Variants in TSPAN6 observed in about 807,000 individuals in gnomAD.
The protein encoded by TSPAN6 is tetraspanin 6, also known as tetraspanin-6.
Under a neutral mutation model 18.0 loss-of-function variants are expected in TSPAN6, and 13 were observed. That is an observed-to-expected ratio of 0.72 (90% confidence interval 0.47 to 1.15). The LOEUF is 1.15. Ranked by LOEUF, TSPAN6 falls within the 50% of genes most tolerant of loss-of-function variation. TSPAN6 has a pLI of 0.00. For synonymous variants in TSPAN6, 82 were observed against 67.0 expected (o/e 1.22, Z -1.09); for missense variants, 186 against 183.9 (o/e 1.01, Z -0.07).
rs761681632 is a variant in TSPAN6 at position 100,635,627 on chromosome X, G to A, written c.207C>T (p.Thr69=). ...CAAAGGTGCCCAAAAGAATAATGAC[G>A]GTACCAGTAGCAATGAGCACGAAGG... ...NVPFVLIATG[T]VIILLGTFGC... is the part of the protein sequence containing the mutation. The change falls in exon 2 of 8, where the codon ACC becomes ACT. Residue 69 remains threonine (T), a synonymous_variant. Transcript: ENST00000373020. The A allele has an allele frequency of 4.2e-6, 5 of 1,201,582 alleles. No homozygotes were observed. The highest frequency in any genetic ancestry group is 5.6e-6 in the Non-Finnish European group (5 of 889,693).
upstream of TSPAN6, chrX:100,636,818 G>GA: frequency 5.2e-6 from 4 of 766,736 alleles, no homozygotes; most frequent in Non-Finnish European, 7.2e-6. Flanking sequence ...AGAAGGGCCG[G>GA]AAACACTGTA....
At chrX:100,632,441 T>TA (rs1569352379) in intron 6 of TSPAN6, 44 bp downstream of exon 6, 3 of 1,004,065 alleles carry the variant, frequency 3.0e-6, no homozygotes, top group Non-Finnish European at 4.2e-6. Flanking sequence ...AGCTTACACC[T>TA]ACAAGAGGGA....
chrX:100,635,680 G>A lies in TSPAN6; in HGVS notation c.154C>T (p.Leu52Phe), dbSNP rs896214641. 4 of 1,193,863 alleles carry A rather than the reference G, an allele frequency of 3.4e-6. No homozygotes were observed. The highest frequency in any genetic ancestry group is 4.5e-6 in the Non-Finnish European group (4 of 885,145). Residue 52 changes from leucine (L) to phenylalanine (F), a missense_variant, in exon 2 of 8, where the codon CTT becomes TTT. Transcript: ENST00000373020. ...GKVSLENYFS[L>F]LNEKATNVPF... ...ACATTGGTGGCCTTCTCATTTAAAA[G>A]AGAAAAGTAATTCTCCAGGCTCACC...
Position 100,635,204 on chromosome X carries a change from T to A in TSPAN6, c.325A>T (p.Ile109Phe). 1 of 1,199,238 alleles carries A rather than the reference T, an allele frequency of 8.3e-7. No individual in the cohort carries two copies. The highest frequency in any genetic ancestry group is 1.1e-6 in the Non-Finnish European group (1 of 888,377). The change falls in exon 3 of 8, where the codon ATC (isoleucine) becomes TTC (phenylalanine). Residue 109 changes from isoleucine (I) to phenylalanine (F), a missense_variant. By Grantham distance (21) the Ile-to-Phe change is conservative. Coordinates refer to ENST00000373020, the MANE Select transcript of TSPAN6 (RefSeq NM_003270.4). ...TCATGTCTGAAAACAAATCCTACGA[T>A]GGCAGCGACCAGTTCGACCAAAAAA... is the stretch of plus-strand genomic sequence containing the variant. ...LVFLVELVAAIVGFVFRHEIK... is the reference protein window; with the variant it reads ...LVFLVELVAAFVGFVFRHEIK...
chrX:100,627,741 TG>T lies in TSPAN6; in HGVS notation c.*2284del, dbSNP rs1400136710. ...ACCAATCCACCTGACGAGTGATGTGTGGTGTTTTTCCTCTTTCTACATTCTA... is the reference window on the plus strand; with the variant it reads ...ACCAATCCACCTGACGAGTGATGTGTGTGTTTTTCCTCTTTCTACATTCTA... On this transcript the variant is annotated 3_prime_UTR_variant, in exon 8 of 8. Coordinates refer to ENST00000373020, the MANE Select transcript of TSPAN6 (RefSeq NM_003270.4). 1.8e-5 allele frequency: 2 copies of T among 111,925 alleles called. No homozygotes were observed. Among genetic ancestry groups the T allele is most frequent in the Non-Finnish European group, 3.8e-5 (2 of 53,208 alleles). 9.2% of individuals were successfully genotyped at this position (111,925 alleles called of 1,213,427 possible).
In TSPAN6 at chrX:100,629,021, G is replaced by A. The variant is rs1332521902; in HGVS notation, c.*1005C>T. 1 of 111,745 alleles carries A rather than the reference G, an allele frequency of 8.9e-6. No individual in the cohort carries two copies. 9.2% of individuals were successfully genotyped at this position (111,745 alleles called of 1,213,427 possible). On this transcript the variant is annotated 3_prime_UTR_variant, in exon 8 of 8. Coordinates refer to ENST00000373020, the MANE Select transcript of TSPAN6 (RefSeq NM_003270.4). ...ATTTTCTACAAGTTAATTTAAACAC[G>A]ATCTTTTTAGAGGAAAGCAGTATTT...
In TSPAN6 at chrX:100,633,447, T is replaced by C; in HGVS notation, c.543A>G (p.Glu181=). The part of the protein sequence containing the change: ...KGFPKSCCKL[E]DCTPQRDADK... ...CTGCATCTCTCTGTGGAGTACAATC[T>C]TCAAGTTTACAGCAACTCTTAGGAA... is the stretch of plus-strand genomic sequence containing the variant. Residue 181 remains glutamate (E), a synonymous_variant, in exon 5 of 8, where the codon GAA becomes GAG. Transcript: ENST00000373020. The C allele has an allele frequency of 8.3e-7, 1 of 1,209,709 alleles. No individual in the cohort carries two copies. The highest frequency in any genetic ancestry group is 1.1e-6 in the Non-Finnish European group (1 of 893,912).
intron 6 of TSPAN6, among the ~76,000 whole-genome samples, chrX:100,631,673 C>T (rs906878391): frequency 4.5e-5 from 5 of 110,973 alleles, no homozygotes; most frequent in Non-Finnish European, 5.7e-5. Flanking sequence ...CAGGCAGTTG[C>T]AGCCCAGAAA....
At position 100,630,370 on chromosome X, in the gene TSPAN6, G is replaced by A. The variant is rs755400300; in HGVS notation, c.*40-384C>T. On this transcript the variant is annotated intron_variant, in intron 7 of 7. Transcript: ENST00000373020. Reference sequence around the variant, plus strand: ...CTAAGGAAAATGTCAATATTGGTGAGGAGCAGAGTGCACCTGCCAGGGAAC... The same window carrying A: ...CTAAGGAAAATGTCAATATTGGTGAAGAGCAGAGTGCACCTGCCAGGGAAC... Among the ~76,000 whole-genome samples, 398 of 112,129 alleles carry A rather than the reference G, an allele frequency of 3.5e-3. 4 individuals carry two copies. Among genetic ancestry groups the A allele is most frequent in the Non-Finnish European group, 4.0e-3 (211 of 53,237 alleles).
intron 7 of TSPAN6, among the ~76,000 whole-genome samples, chrX:100,630,431 C>G (rs2083051269): frequency 9.0e-6 from 1 of 111,434 alleles, no homozygotes; most frequent in South Asian, 3.7e-4. Flanking sequence ...TTCTTTGTTT[C>G]TCCTCTCTCC....
At position 100,627,802 on chromosome X, in the gene TSPAN6, A is replaced by G. The variant is rs1310304236; in HGVS notation, c.*2224T>C. ...TTTCTATAATTTTTCCTTTTTAATA[A>G]TGAGGGAAAACTTTTTTTTTTTTTC... is the stretch of plus-strand genomic sequence containing the variant. On this transcript the variant is annotated 3_prime_UTR_variant, in exon 8 of 8. Transcript: ENST00000373020. 2.7e-5 allele frequency: 3 copies of G among 110,407 alleles called. No individual in the cohort carries two copies. The highest frequency in any genetic ancestry group is 9.9e-5 in the African/African-American group (3 of 30,247). The allele number at this position is 110,407 out of a possible 1,213,427, so 9.1% of individuals were successfully genotyped here.
intron 6 of TSPAN6, 48 bp downstream of exon 6, chrX:100,632,437 C>A: frequency 1.0e-6 from 1 of 965,208 alleles, no homozygotes; most frequent in Non-Finnish European, 1.5e-6. Context: ...TTCTAGCTTA[C>A]ACCTACAAGA....
chrX:100,633,809 G>A (rs2083076194), intron 4 of TSPAN6, 122 bp downstream of exon 4: 2 of 540,024 alleles, frequency 3.7e-6, no homozygotes, highest in Admixed American at 3.6e-5. Flanking sequence ...GCACATGTGA[G>A]GAAAATGAAA....
At position 100,629,410 on chromosome X, in the gene TSPAN6, TTGAC is replaced by T. The variant is rs1197274088; in HGVS notation, c.*612_*615del. ...CAACCCTGATGAGGGATGCCATCTA[TTGAC>T]TGACTGAAATTAAATTACACAATGT... On this transcript the variant is annotated 3_prime_UTR_variant, in exon 8 of 8. Coordinates refer to ENST00000373020, the MANE Select transcript of TSPAN6 (RefSeq NM_003270.4). 1.8e-5 allele frequency: 2 copies of T among 111,789 alleles called. No homozygotes were observed. The highest frequency in any genetic ancestry group is 6.5e-5 in the African/African-American group (2 of 30,788). 9.2% of individuals were successfully genotyped at this position (111,789 alleles called of 1,213,427 possible). A position where few individuals can be genotyped will look rare whatever the true frequency, so the allele number is the denominator to read the frequency against.
chrX:100,636,389 C>G, intron 1 of TSPAN6: 1 of 984,024 alleles, frequency 1.0e-6, no homozygotes, highest in Non-Finnish European at 1.3e-6. Flanking sequence ...AGCTCAGCCT[C>G]TCGGCTGCCT....
intron 2 of TSPAN6, 124 bp downstream of exon 2, chrX:100,635,434 G>T: frequency 1.4e-6 from 1 of 719,417 alleles, no homozygotes; most frequent in South Asian, 3.2e-5. Flanking sequence ...ACTGTTACTT[G>T]ATAAGTTTCC....
At chrX:100,631,496 A>G (rs2083058834) in intron 6 of TSPAN6, among the ~76,000 whole-genome samples, 1 of 112,307 alleles carries the variant, frequency 8.9e-6, no homozygotes, top group Non-Finnish European at 1.9e-5. Context: ...TAATATAAAA[A>G]AAAACGTTCA....
At chrX:100,636,448 T>C (rs1298887253) in intron 1 of TSPAN6, 160 bp downstream of exon 1, 1 of 1,012,744 alleles carries the variant, frequency 9.9e-7, no homozygotes, top group Non-Finnish European at 1.3e-6. Flanking sequence ...GAGCTCTTTG[T>C]TCGGGGCCCA....
At chrX:100,635,296 T>C (rs199738420) in intron 2 of TSPAN6, 44 bp from the exon 3 acceptor site, 30 of 974,774 alleles carry the variant, frequency 3.1e-5, no homozygotes, top group Middle Eastern at 5.2e-4. Flanking sequence ...AAATAAGATA[T>C]AGCACAACTG....
Sources: allele counts gnomAD v4.1 joint callset (sites outside exome capture counted in the v4.1 genomes callset), GRCh38; gene constraint gnomAD v4.1.1; transcripts MANE v1.5; gene names NCBI Gene and HGNC (gene_info 2026-07-23, HGNC 2026-07-21).